The following QKI variants were observed in gnomAD, a reference collection of about 807,000 sequenced individuals.
QKI encodes QKI, KH domain containing RNA binding, also known as KH domain-containing RNA-binding protein QKI.
A neutral mutation model predicts 39.0 loss-of-function variants in QKI; 10 were observed. That is an observed-to-expected ratio of 0.26 (90% CI 0.16 to 0.43). The LOEUF (loss-of-function observed/expected upper bound fraction) is 0.43. Among genes scored for constraint, QKI ranks in the 20% least tolerant of loss-of-function variants. The pLI, the probability that QKI is intolerant of heterozygous loss-of-function variation, is 1.00. For missense variants in QKI, 218 were observed against 428.0 expected, an observed-to-expected ratio of 0.51 and a Z score of 4.33; for synonymous variants, 204 against 155.4, an observed-to-expected ratio of 1.31 and a Z score of -2.33.
chr6:163,508,516 CTTTCTTTCTTTCTTTCT>C (rs796092633), intron 3 of QKI, among the ~76,000 whole-genome samples: 3,018 of 42,258 alleles, frequency 0.071, 108 homozygotes, highest in African/African-American at 0.29. Flanking sequence ...TTCTTTCTTT[CTTTCTTTCTTTCTTTCT>C]TTTTTTTTTT....
At chr6:163,489,532 T>C (rs1299977872) in intron 3 of QKI, among the ~76,000 whole-genome samples, 1 of 151,140 alleles carries the variant, frequency 6.6e-6, no homozygotes, top group Non-Finnish European at 1.5e-5. Flanking sequence ...TAGTGCGTTT[T>C]TTAATATTCT....
chr6:163,566,889 A>T, intron 7 of QKI, 94 bp downstream of exon 7: 3 of 1,512,914 alleles, frequency 2.0e-6, no homozygotes, highest in Non-Finnish European at 2.7e-6. Context: ...GTAATTGCTT[A>T]CCTGCACACA....
At chr6:163,485,564 T>C (rs927606907) in intron 3 of QKI, among the ~76,000 whole-genome samples, 1 of 152,078 alleles carries the variant, frequency 6.6e-6, no homozygotes, top group Non-Finnish European at 1.5e-5. Flanking sequence ...TTGTCAGCTC[T>C]TCTGAGGTCT....
At chr6:163,533,593 A>G (rs151032347) in intron 3 of QKI, among the ~76,000 whole-genome samples, 29 of 152,232 alleles carry the variant, frequency 1.9e-4, no homozygotes, top group Non-Finnish European at 4.0e-4. Context: ...GCAACCGCTA[A>G]CAACCTAGCT....
intron 2 of QKI, among the ~76,000 whole-genome samples, chr6:163,475,608 G>A (rs561961806): frequency 8.1e-4 from 124 of 152,222 alleles, no homozygotes; most frequent in Non-Finnish European, 8.5e-4. Flanking sequence ...GATGACACTG[G>A]AGCAATTGGA....
chr6:163,459,635 G>C (rs979521816), intron 2 of QKI, among the ~76,000 whole-genome samples: 1 of 152,176 alleles, frequency 6.6e-6, no homozygotes, highest in African/African-American at 2.4e-5. Flanking sequence ...CTGTTTCTTT[G>C]TCTATGAAGT....
intron 3 of QKI, among the ~76,000 whole-genome samples, chr6:163,490,768 G>T (rs187052202): frequency 1.1e-3 from 162 of 152,282 alleles, no homozygotes; most frequent in African/African-American, 3.6e-3. Flanking sequence ...AAGGTAACTT[G>T]ACAGTAGTGG....
At chr6:163,435,516 AT>A in intron 1 of QKI, among the ~76,000 whole-genome samples, 1 of 152,230 alleles carries the variant, frequency 6.6e-6, no homozygotes, top group East Asian at 1.9e-4. Context: ...ATCATAGGGT[AT>A]TTTGCTTGGC....
chr6:163,549,215 GA>G (rs1405864309), intron 4 of QKI, among the ~76,000 whole-genome samples: 1 of 151,544 alleles, frequency 6.6e-6, no homozygotes, highest in African/African-American at 2.4e-5. Flanking sequence ...TGAGGGGGGG[GA>G]CATGAGGTTG....
Position 163,577,099 on chromosome 6 carries a change from C to T in QKI, c.*6389C>T, listed in dbSNP as rs1777623808. 6.6e-6 allele frequency: 1 copy of T among 152,174 alleles called. No homozygotes were observed. Among genetic ancestry groups the T allele is most frequent in the African/African-American group, 2.4e-5 (1 of 41,452 alleles). The allele number at this position is 152,174 out of a possible 1,614,324, so 9.4% of individuals were successfully genotyped here. A position where few individuals can be genotyped will look rare whatever the true frequency, so the allele number is the denominator to read the frequency against. ...AACAGAATTGGTTTATTAAAAAAATCATTTCCAGTAGTGTGAAACCTTTAC... is the reference window on the plus strand; with the variant it reads ...AACAGAATTGGTTTATTAAAAAAATTATTTCCAGTAGTGTGAAACCTTTAC... On this transcript the variant is annotated 3_prime_UTR_variant, in exon 8 of 8. Coordinates refer to ENST00000361752, the MANE Select transcript of QKI (RefSeq NM_006775.3).
intron 6 of QKI, chr6:163,564,419 T>A (rs73023327): frequency 1.5e-6 from 2 of 1,369,974 alleles, no homozygotes; most frequent in African/African-American, 2.9e-5. Context: ...AATGTTGTTA[T>A]GCAGGCATGA....
intron 1 of QKI, among the ~76,000 whole-genome samples, chr6:163,440,945 T>G (rs571660272): frequency 2.6e-5 from 4 of 152,172 alleles, no homozygotes; most frequent in Admixed American, 2.6e-4. Context: ...TTTAGGAAAT[T>G]AAAAAGCTTT....
rs565076590 is a variant in QKI, at chr6:163,492,314, TTTG to T, written c.402+13424_402+13426del. 3.3e-3 allele frequency among the ~76,000 whole-genome samples: 497 copies of T among 152,294 alleles called. 3 individuals carry two copies. Among genetic ancestry groups the T allele is most frequent in the African/African-American group, 0.011 (467 of 41,558 alleles). On this transcript the variant is annotated intron_variant, in intron 3 of 7. Transcript: ENST00000361752. ...TTATGAGAGACCACTATTAAATTATTTTGTTGTTCTTTAGATTTTAAAACATGT... is the reference window on the plus strand; with the variant it reads ...TTATGAGAGACCACTATTAAATTATTTTGTTCTTTAGATTTTAAAACATGT...
intron 3 of QKI, among the ~76,000 whole-genome samples, chr6:163,491,155 G>T (rs566456029): frequency 6.6e-6 from 1 of 152,224 alleles, no homozygotes; most frequent in Admixed American, 6.5e-5. Context: ...ACTGTCTGTG[G>T]TAAGAGACCC....
intron 4 of QKI, among the ~76,000 whole-genome samples, chr6:163,549,523 C>T (rs1699472948): frequency 1.3e-5 from 2 of 152,050 alleles, no homozygotes; most frequent in Non-Finnish European, 2.9e-5. Flanking sequence ...CCAGCCTGGG[C>T]AACATAGTGA....
chr6:163,463,646 A>G (rs1031463657), intron 2 of QKI, among the ~76,000 whole-genome samples: 1 of 152,226 alleles, frequency 6.6e-6, no homozygotes, highest in Admixed American at 6.5e-5. Context: ...ACCATTCAAA[A>G]CAAATTCACG....
chr6:163,535,356 A>G (rs1781128370), intron 4 of QKI, among the ~76,000 whole-genome samples: 1 of 152,078 alleles, frequency 6.6e-6, no homozygotes, highest in African/African-American at 2.4e-5. Context: ...GTCGCGTAAG[A>G]AATTATCCAG....
chr6:163,455,020 A>G (rs1416269063), intron 1 of QKI, among the ~76,000 whole-genome samples: 3 of 152,210 alleles, frequency 2.0e-5, no homozygotes, highest in Non-Finnish European at 4.4e-5. Flanking sequence ...CCGGTTAGGA[A>G]GGAGCTCGGG....
In QKI at chr6:163,442,226, A is replaced by G. The variant is rs79634823; in HGVS notation, c.143-13053A>G. ...CCTTTTCAGTAATTTGTTTAGTTGG[A>G]AAATAGGTTATTTTCTGTAAAATGT... On this transcript the variant is annotated intron_variant, in intron 1 of 7. Transcript: ENST00000361752. Among the ~76,000 whole-genome samples, 152 of 152,334 alleles carry G rather than the reference A, an allele frequency of 1.0e-3. No homozygotes were observed. The East Asian group carries it at 0.023, about 23-fold the overall frequency.
Sources: gnomAD v4.1 joint callset for allele counts (sites outside exome capture counted in the v4.1 genomes callset) on GRCh38, gnomAD v4.1.1 for gene constraint, MANE v1.5 for transcripts, NCBI Gene and HGNC (gene_info 2026-07-23, HGNC 2026-07-21) for gene names.